RAB3GAP2: variants seen among roughly 807,000 people sequenced by gnomAD.
RAB3GAP2 encodes the protein RAB3 GTPase activating non-catalytic protein subunit 2, also known as rab3 GTPase-activating protein non-catalytic subunit.
Under a neutral mutation model 185.3 loss-of-function variants are expected in RAB3GAP2, and 87 were observed. The observed-to-expected ratio is 0.47, with a 90% CI of 0.39 to 0.56. The LOEUF (loss-of-function observed/expected upper bound fraction) is 0.56, where lower values mean the gene tolerates loss of function less well. RAB3GAP2 is among the 20% of genes least tolerant of loss of function. RAB3GAP2 has a pLI of 0.00. For missense variants in RAB3GAP2, 1,492 were observed against 1,638.2 expected (o/e 0.91, Z 1.54); for synonymous variants, 554 against 576.1 (o/e 0.96, Z 0.55).
intron 2 of RAB3GAP2, among the ~76,000 whole-genome samples, chr1:220,226,030 A>T (rs989487505): frequency 6.6e-6 from 1 of 152,198 alleles, no homozygotes; most frequent in South Asian, 2.1e-4. Context: ...TTGCCTCTCT[A>T]AACTGTTATA....
intron 1 of RAB3GAP2, among the ~76,000 whole-genome samples, chr1:220,257,922 AAAC>A (rs756481100): frequency 6.6e-5 from 10 of 152,190 alleles, no homozygotes; most frequent in Non-Finnish European, 1.3e-4. Context: ...ACAGAAATAC[AAAC>A]AACCCTCAGA....
At chr1:220,213,759 A>C (rs1217996011) in intron 3 of RAB3GAP2, 97 bp downstream of exon 3, 1 of 1,293,782 alleles carries the variant, frequency 7.7e-7, no homozygotes, top group African/African-American at 1.5e-5. Context: ...AGAGAGAAAT[A>C]AATAAATAAA....
At chr1:220,195,984 T>C (rs963739446) in intron 10 of RAB3GAP2, among the ~76,000 whole-genome samples, 9 of 152,178 alleles carry the variant, frequency 5.9e-5, no homozygotes, top group African/African-American at 1.4e-4. Flanking sequence ...CTCCTGACTA[T>C]TGCACCAATA....
chr1:220,237,532 A>C (rs1422147034), intron 1 of RAB3GAP2, among the ~76,000 whole-genome samples: 5 of 152,226 alleles, frequency 3.3e-5, no homozygotes. Context: ...TTTACAATGA[A>C]GAAATTAAAA....
intron 1 of RAB3GAP2, among the ~76,000 whole-genome samples, chr1:220,234,544 A>G (rs60596539): frequency 0.025 from 3,742 of 152,302 alleles, 156 homozygotes; most frequent in African/African-American, 0.086. Flanking sequence ...ACATTGCACA[A>G]TTTATAGAAG....
At position 220,149,514 on chromosome 1, in the gene RAB3GAP2, G is replaced by A. The variant is rs1055940451; in HGVS notation, c.*1737C>T. On this transcript the variant is annotated 3_prime_UTR_variant, in exon 35 of 35. Coordinates refer to ENST00000358951, the MANE Select transcript of RAB3GAP2 (RefSeq NM_012414.4). ...TTAAGTTCATACTACTACTTTCAGCGTACTTGGAAAAATCACAGGAAGAAC... is the reference window on the plus strand; with the variant it reads ...TTAAGTTCATACTACTACTTTCAGCATACTTGGAAAAATCACAGGAAGAAC... 6.6e-5 allele frequency: 10 copies of A among 152,090 alleles called. No homozygotes were observed. The highest frequency in any genetic ancestry group is 1.3e-4 in the Admixed American group (2 of 15,256). 9.4% of individuals were successfully genotyped at this position (152,090 alleles called of 1,614,324 possible).
chr1:220,217,544 T>A (rs1353760220), intron 2 of RAB3GAP2, among the ~76,000 whole-genome samples: 1 of 152,146 alleles, frequency 6.6e-6, no homozygotes, highest in African/African-American at 2.4e-5. Flanking sequence ...GCTACCTGTT[T>A]ATTCTGTGAC....
At chr1:220,224,005 C>CAAAAA (rs1170784100) in intron 2 of RAB3GAP2, among the ~76,000 whole-genome samples, 7 of 90,164 alleles carry the variant, frequency 7.8e-5, no homozygotes, top group South Asian at 3.7e-4. Flanking sequence ...GACCCTATCT[C>CAAAAA]AAAAAAAAAA....
rs779236358 is a variant in RAB3GAP2, at chr1:220,167,725, A to G, written c.2807-50T>C. ...AATAAAAATTTACAACACACAGGGC[A>G]GTGTTTGCCAATGGGAGCCAATTTC... is the stretch of plus-strand genomic sequence containing the variant. On this transcript the variant is annotated intron_variant, in intron 24 of 34. Transcript: ENST00000358951. 6 of 1,578,350 alleles carry G rather than the reference A, an allele frequency of 3.8e-6. No individual in the cohort carries two copies. The South Asian group carries it at 5.5e-5, about 15-fold the overall frequency.
intron 7 of RAB3GAP2, 68 bp from the exon 8 acceptor site, chr1:220,206,074 G>A: frequency 1.0e-6 from 1 of 980,324 alleles, no homozygotes; most frequent in East Asian, 2.6e-5. Flanking sequence ...TTATTATACT[G>A]AATTTCACGA....
chr1:220,205,191 A>C (rs1434929228), intron 8 of RAB3GAP2, among the ~76,000 whole-genome samples: 1 of 152,218 alleles, frequency 6.6e-6, no homozygotes, highest in Non-Finnish European at 1.5e-5. Flanking sequence ...AATTTGATGA[A>C]ATATCTCTTC....
At chr1:220,178,491 G>T (rs1371240483) in intron 21 of RAB3GAP2, among the ~76,000 whole-genome samples, 1 of 152,134 alleles carries the variant, frequency 6.6e-6, no homozygotes, top group East Asian at 1.9e-4. Context: ...ATGCTAAAAT[G>T]GGGGGAGAAG....
At chr1:220,216,765 AT>A (rs1435318043) in intron 2 of RAB3GAP2, among the ~76,000 whole-genome samples, 1 of 152,218 alleles carries the variant, frequency 6.6e-6, no homozygotes, top group African/African-American at 2.4e-5. Flanking sequence ...TTATTTGGGC[AT>A]GTTCTCAAAA....
At chr1:220,269,859 T>C (rs1205209020) in intron 1 of RAB3GAP2, among the ~76,000 whole-genome samples, 2 of 152,098 alleles carry the variant, frequency 1.3e-5, no homozygotes, top group Non-Finnish European at 2.9e-5. Flanking sequence ...ATAGCCCAGG[T>C]TGAGAAAAGA....
Position 220,206,872 on chromosome 1 carries a change from T to C in RAB3GAP2, c.613-866A>G, listed in dbSNP as rs116651166. On this transcript the variant is annotated intron_variant, in intron 7 of 34. Transcript: ENST00000358951. ...CAGAGAGGCTGCTCCTGAACCTCCA[T>C]CTCAAACAACATACATATTCTCTTG... Among the ~76,000 whole-genome samples, 362 of 152,320 alleles carry C rather than the reference T, an allele frequency of 2.4e-3. 2 individuals carry two copies. The highest frequency in any genetic ancestry group is 8.1e-3 in the African/African-American group (336 of 41,576).
At chr1:220,244,311 C>A (rs555678783) in intron 1 of RAB3GAP2, among the ~76,000 whole-genome samples, 1 of 151,850 alleles carries the variant, frequency 6.6e-6, no homozygotes, top group Non-Finnish European at 1.5e-5. Context: ...TTACAACAGC[C>A]GCAAAAAAAT....
chr1:220,208,539 C>T (rs2102879156), intron 7 of RAB3GAP2, among the ~76,000 whole-genome samples: 1 of 152,242 alleles, frequency 6.6e-6, no homozygotes, highest in East Asian at 1.9e-4. Context: ...CCTACCATCG[C>T]CTCAAACTCA....
chr1:220,185,036 T>C (rs1365496239), intron 18 of RAB3GAP2, among the ~76,000 whole-genome samples: 1 of 152,148 alleles, frequency 6.6e-6, no homozygotes, highest in East Asian at 1.9e-4. Flanking sequence ...ACATAATTAA[T>C]ATGACAAACA....
At chr1:220,195,411 G>C in intron 10 of RAB3GAP2, 34 bp from the exon 11 acceptor site, 1 of 1,524,790 alleles carries the variant, frequency 6.6e-7, no homozygotes, top group Admixed American at 1.7e-5. Context: ...AGAAAACTTA[G>C]TAGCTTACAA....
Sources: allele counts gnomAD v4.1 joint callset (sites outside exome capture counted in the v4.1 genomes callset), GRCh38; gene constraint gnomAD v4.1.1; transcripts MANE v1.5; gene names NCBI Gene and HGNC (gene_info 2026-07-23, HGNC 2026-07-21).